QTMAN: variants seen among roughly 807,000 people sequenced by gnomAD.
QTMAN encodes the protein queuosine-tRNA mannosyltransferase.
At chr2:144,055,104 C>A in the QTMAN span, among the ~76,000 whole-genome samples, 3 of 152,030 alleles carry the variant, frequency 2.0e-5, no homozygotes, top group Non-Finnish European at 4.4e-5. Flanking sequence ...CTTAGGCTAG[C>A]GGAGTAGATG....
chr2:144,327,830 G>A, the QTMAN span, among the ~76,000 whole-genome samples: 2 of 152,124 alleles, frequency 1.3e-5, no homozygotes, highest in Non-Finnish European at 2.9e-5. Context: ...ACATGCTTAA[G>A]ACAAGGTTCC....
the QTMAN span, among the ~76,000 whole-genome samples, chr2:144,159,639 CAT>C: frequency 2.6e-5 from 4 of 152,070 alleles, no homozygotes; most frequent in Admixed American, 2.0e-4. Context: ...GCCATAATCA[CAT>C]GTGTTTGAGG....
the QTMAN span, among the ~76,000 whole-genome samples, chr2:144,200,445 C>T: frequency 0.011 from 1,723 of 152,312 alleles, 17 homozygotes; most frequent in Non-Finnish European, 0.019. Context: ...CAATCTTTGG[C>T]TTCTCTCAGC....
the QTMAN span, among the ~76,000 whole-genome samples, chr2:144,058,111 A>ACC: frequency 1.0e-4 from 12 of 119,122 alleles, no homozygotes; most frequent in African/African-American, 4.9e-4. Flanking sequence ...GAAAGAAAGA[A>ACC]CCCCCCTCCC....
the QTMAN span, among the ~76,000 whole-genome samples, chr2:144,044,630 A>C: frequency 6.6e-6 from 1 of 152,196 alleles, no homozygotes; most frequent in Non-Finnish European, 1.5e-5. Context: ...TTCTTTTTCT[A>C]AGAGGAACTA....
At chr2:143,991,166 C>T in the QTMAN span, among the ~76,000 whole-genome samples, 16 of 151,922 alleles carry the variant, frequency 1.1e-4, no homozygotes, top group Middle Eastern at 3.4e-3. Context: ...GAGAAGAGAG[C>T]GAATGAGGCA....
chr2:144,177,252 T>TTA, the QTMAN span: 6 of 584,112 alleles, frequency 1.0e-5, no homozygotes, highest in South Asian at 6.1e-5. Context: ...TTGATCCCAA[T>TTA]AAAAAAAAAA....
At chr2:143,993,476 T>C in the QTMAN span, among the ~76,000 whole-genome samples, 3 of 151,496 alleles carry the variant, frequency 2.0e-5, no homozygotes, top group Admixed American at 6.6e-5. Flanking sequence ...TCTTCGAACA[T>C]CTGGGTGGGC....
the QTMAN span, among the ~76,000 whole-genome samples, chr2:144,329,400 G>A: frequency 5.3e-5 from 8 of 151,978 alleles, no homozygotes; most frequent in African/African-American, 1.9e-4. Context: ...ATATCATTTG[G>A]GACAATTTGC....
the QTMAN span, among the ~76,000 whole-genome samples, chr2:144,290,279 CTT>C: frequency 2.6e-5 from 4 of 152,260 alleles, no homozygotes; most frequent in African/African-American, 9.6e-5. Context: ...TTAGTCCAAA[CTT>C]TCTCTCATAC....
At chr2:144,282,717 T>C in the QTMAN span, among the ~76,000 whole-genome samples, 1 of 152,118 alleles carries the variant, frequency 6.6e-6, no homozygotes, top group Non-Finnish European at 1.5e-5. Context: ...TGGAATTTCC[T>C]GGGTGATAGG....
the QTMAN span, chr2:144,317,461 T>C: frequency 6.6e-6 from 1 of 151,206 alleles, no homozygotes; most frequent in Non-Finnish European, 1.5e-5. Flanking sequence ...CAGCAATGTA[T>C]ACCTACTACA....
chr2:143,974,420 C>A, the QTMAN span, among the ~76,000 whole-genome samples: 2 of 152,102 alleles, frequency 1.3e-5, no homozygotes, highest in Non-Finnish European at 2.9e-5. Flanking sequence ...TTTATAATGG[C>A]AACCATCTGT....
the QTMAN span, among the ~76,000 whole-genome samples, chr2:144,182,100 A>C: frequency 6.6e-6 from 1 of 152,298 alleles, no homozygotes; most frequent in East Asian, 1.9e-4. Context: ...AGTGGAAACT[A>C]GGAAATAAAA....
chr2:143,965,308 G>A, the QTMAN span, among the ~76,000 whole-genome samples: 2 of 152,108 alleles, frequency 1.3e-5, no homozygotes, highest in African/African-American at 4.8e-5. Context: ...CTCATTCCAT[G>A]TACAAACTCT....
the QTMAN span, among the ~76,000 whole-genome samples, chr2:144,260,823 C>T: frequency 6.6e-6 from 1 of 151,600 alleles, no homozygotes; most frequent in African/African-American, 2.4e-5. Context: ...AGAATTTAAA[C>T]ATTTAATTCA....
At chr2:144,059,775 T>C in the QTMAN span, among the ~76,000 whole-genome samples, 278 of 152,238 alleles carry the variant, frequency 1.8e-3, no homozygotes, top group African/African-American at 6.5e-3. Context: ...TTTCCACTCT[T>C]AGAATGTGCC....
At chr2:144,116,743 TC>T in the QTMAN span, among the ~76,000 whole-genome samples, 1 of 152,178 alleles carries the variant, frequency 6.6e-6, no homozygotes, top group Non-Finnish European at 1.5e-5. Context: ...AATTTTTAAA[TC>T]CCTTTCATAC....
chr2:144,284,933 CTTT>C, the QTMAN span, among the ~76,000 whole-genome samples: 8 of 128,350 alleles, frequency 6.2e-5, no homozygotes, highest in South Asian at 2.5e-4. Context: ...GGAGGCCAAA[CTTT>C]TTTTTTTTTT....
Sources: gnomAD v4.1 joint callset for allele counts (sites outside exome capture counted in the v4.1 genomes callset) on GRCh38, gnomAD v4.1.1 for gene constraint, MANE v1.5 for transcripts, NCBI Gene and HGNC (gene_info 2026-07-23, HGNC 2026-07-21) for gene names.